ELAPOR1: variants seen among roughly 807,000 people sequenced by gnomAD.
ELAPOR1 encodes the protein endosome/lysosome-associated apoptosis and autophagy regulator 1.
ELAPOR1 carries 77 observed loss-of-function variants against 119.7 expected under a neutral mutation model. That is an observed-to-expected ratio of 0.64 (90% CI 0.54 to 0.78). ELAPOR1 has a LOEUF of 0.78. ELAPOR1 is among the 30% of genes least tolerant of loss of function. The pLI is 0.00. For missense variants in ELAPOR1, 1,115 were observed against 1,270.4 expected (o/e 0.88, Z 1.86); for synonymous variants, 481 against 487.2 (o/e 0.99, Z 0.17).
At chr1:109,182,640 G>C (rs1428600826) in intron 7 of ELAPOR1, among the ~76,000 whole-genome samples, 1 of 152,060 alleles carries the variant, frequency 6.6e-6, no homozygotes, top group Non-Finnish European at 1.5e-5. Flanking sequence ...GGCCAAGGCA[G>C]GCGGATCACG....
chr1:109,167,626 A>T (rs1651676057), intron 3 of ELAPOR1, among the ~76,000 whole-genome samples: 1 of 151,874 alleles, frequency 6.6e-6, no homozygotes, highest in Non-Finnish European at 1.5e-5. Flanking sequence ...CTTTTTTTTA[A>T]GAAACAAGGT....
chr1:109,161,855 T>G (rs201671895), intron 1 of ELAPOR1, 39 bp from the exon 2 acceptor site: 1 of 1,587,252 alleles, frequency 6.3e-7, no homozygotes, highest in East Asian at 2.3e-5. Flanking sequence ...GTTTGATCAC[T>G]GCTAATGCAC....
At chr1:109,185,746 G>A (rs1403824519) in intron 8 of ELAPOR1, among the ~76,000 whole-genome samples, 2 of 152,168 alleles carry the variant, frequency 1.3e-5, no homozygotes, top group African/African-American at 4.8e-5. Context: ...TGAGAGGCTG[G>A]AGAGAGGAGA....
At chr1:109,116,212 A>G (rs992391525) in intron 1 of ELAPOR1, among the ~76,000 whole-genome samples, 4 of 152,252 alleles carry the variant, frequency 2.6e-5, no homozygotes, top group Non-Finnish European at 5.9e-5. Flanking sequence ...AGGTCTTGCC[A>G]CAAAGTGTAA....
intron 1 of ELAPOR1, among the ~76,000 whole-genome samples, chr1:109,131,222 A>G (rs981781058): frequency 6.6e-6 from 1 of 152,202 alleles, no homozygotes; most frequent in African/African-American, 2.4e-5. Flanking sequence ...AAGTGTTTTT[A>G]TGACATAGCA....
chr1:109,187,507 T>C lies in ELAPOR1; in HGVS notation c.1042-670T>C, dbSNP rs1271887965. On this transcript the variant is annotated intron_variant, in intron 8 of 21. Coordinates refer to ENST00000369939, the MANE Select transcript of ELAPOR1 (RefSeq NM_020775.5). ...AGATCATGTTCATCAACCCCTCAGT[T>C]CAACCTATAAGGGCACGTTTTTGTC... 3 of 1,000,458 alleles carry C rather than the reference T, an allele frequency of 3.0e-6. No homozygotes were observed. In the African/African-American group the frequency reaches 5.2e-5, roughly 17 times the overall value. The allele number at this position is 1,000,458 out of a possible 1,614,324, so 62.0% of individuals were successfully genotyped here. A position where few individuals can be genotyped will look rare whatever the true frequency, so the allele number is the denominator to read the frequency against.
intron 21 of ELAPOR1, chr1:109,201,343 G>C (rs1216994930): frequency 2.2e-6 from 1 of 456,556 alleles, no homozygotes; most frequent in Admixed American, 2.3e-5. Context: ...TCCTTTGGGA[G>C]CTGAATCATA....
Position 109,197,497 on chromosome 1 carries a change from C to G in ELAPOR1, c.2145C>G (p.Thr715=). 6.2e-7 allele frequency: 1 copy of G among 1,614,038 alleles called. No individual in the cohort carries two copies. Among genetic ancestry groups the G allele is most frequent in the Non-Finnish European group, 8.5e-7 (1 of 1,179,972 alleles). ...GNQGRKMSVC[T]DNVTDLRIPE... ...AGGGTAGGAAAATGTCTGTGTGCAC[C>G]GACAATGTCACTGACCTCCGGATTC... is the stretch of plus-strand genomic sequence containing the variant. Residue 715 remains threonine (T), a synonymous_variant, in exon 16 of 22, where the codon ACC becomes ACG. Coordinates refer to ENST00000369939, the MANE Select transcript of ELAPOR1 (RefSeq NM_020775.5).
intron 18 of ELAPOR1, among the ~76,000 whole-genome samples, chr1:109,198,998 C>T (rs939835709): frequency 1.3e-5 from 2 of 152,228 alleles, no homozygotes; most frequent in African/African-American, 2.4e-5. Flanking sequence ...TTCTTACCTT[C>T]TTTAGGCCTC....
chr1:109,173,774 G>A lies in ELAPOR1; in HGVS notation c.889G>A (p.Ala297Thr), dbSNP rs1445005287. ...QGSSFCKLCP[A>T]NSYSNKGETS... ...CTCCTCTTTCTGCAAACTTTGCCCAGCCAACTCTTATTCAAATAAAGGAGA... is the reference window on the plus strand; with the variant it reads ...CTCCTCTTTCTGCAAACTTTGCCCAACCAACTCTTATTCAAATAAAGGAGA... The change falls in exon 7 of 22, where the codon GCC (alanine) becomes ACC (threonine). Residue 297 changes from alanine to threonine, a missense_variant. By Grantham distance (58) the Ala-to-Thr change is moderately conservative. Transcript: ENST00000369939. 6.2e-7 allele frequency: 1 copy of A among 1,614,098 alleles called. No homozygotes were observed. Among genetic ancestry groups the A allele is most frequent in the Non-Finnish European group, 8.5e-7 (1 of 1,180,028 alleles).
At chr1:109,175,420 T>C (rs567172687) in intron 7 of ELAPOR1, among the ~76,000 whole-genome samples, 102 of 151,246 alleles carry the variant, frequency 6.7e-4, no homozygotes, top group African/African-American at 2.0e-3. Flanking sequence ...CAGGCTGGTC[T>C]CGAACTCCCA....
intron 7 of ELAPOR1, among the ~76,000 whole-genome samples, chr1:109,179,602 G>A (rs919353773): frequency 2.6e-5 from 4 of 151,920 alleles, no homozygotes; most frequent in Admixed American, 2.6e-4. Context: ...CCTATCAGCA[G>A]TGGAGGTCAT....
intron 7 of ELAPOR1, among the ~76,000 whole-genome samples, chr1:109,182,448 G>T (rs1021485428): frequency 6.6e-6 from 1 of 152,076 alleles, no homozygotes; most frequent in African/African-American, 2.4e-5. Flanking sequence ...CTCCAGCAAG[G>T]TATATATTAT....
chr1:109,173,377 C>A, intron 5 of ELAPOR1, 97 bp from the exon 6 acceptor site: 1 of 945,182 alleles, frequency 1.1e-6, no homozygotes, highest in Non-Finnish European at 1.7e-6. Flanking sequence ...CATTACCATG[C>A]AGTTAGTAAG....
intron 7 of ELAPOR1, among the ~76,000 whole-genome samples, chr1:109,183,629 C>CTTCA (rs1652878560): frequency 6.8e-6 from 1 of 147,288 alleles, no homozygotes; most frequent in Non-Finnish European, 1.5e-5. Context: ...TCCTTCCTTC[C>CTTCA]TTCCTTCCTA....
chr1:109,177,253 T>A (rs1652373460), intron 7 of ELAPOR1, among the ~76,000 whole-genome samples: 1 of 146,702 alleles, frequency 6.8e-6, no homozygotes, highest in Non-Finnish European at 1.5e-5. Flanking sequence ...CCCACCTCCC[T>A]CCCGGACGGG....
chr1:109,185,549 G>A (rs571780755), intron 8 of ELAPOR1, among the ~76,000 whole-genome samples: 16 of 152,258 alleles, frequency 1.1e-4, no homozygotes, highest in East Asian at 9.6e-4. Flanking sequence ...GACTTGTTCC[G>A]TTTCTGCTGC....
intron 1 of ELAPOR1, among the ~76,000 whole-genome samples, chr1:109,122,136 C>T (rs1192174452): frequency 5.3e-5 from 8 of 149,700 alleles, no homozygotes; most frequent in Admixed American, 4.7e-4. Flanking sequence ...GCGGTGCAAT[C>T]TCAGCTCACT....
rs559414389 is a variant in ELAPOR1 at position 109,139,827 on chromosome 1, A to C, written c.154-22067A>C. 3.4e-4 allele frequency among the ~76,000 whole-genome samples: 52 copies of C among 151,960 alleles called. 3 individuals are homozygous for C. Among genetic ancestry groups the C allele is most frequent in the Admixed American group, 3.0e-3 (46 of 15,268 alleles). On this transcript the variant is annotated intron_variant, in intron 1 of 21. Transcript: ENST00000369939. ...CACTCTGTTACCCAGGCTGGAGTGC[A>C]GTGGCATGATCTTGGCTCACTGCAA...
Sources: gnomAD v4.1 joint callset for allele counts (sites outside exome capture counted in the v4.1 genomes callset) on GRCh38, gnomAD v4.1.1 for gene constraint, MANE v1.5 for transcripts, NCBI Gene and HGNC (gene_info 2026-07-23, HGNC 2026-07-21) for gene names.